The following CEP63 variants were observed in gnomAD, a reference collection of about 807,000 sequenced individuals.
CEP63 encodes the protein centrosomal protein 63, also known as centrosomal protein of 63 kDa.
CEP63 carries 84 observed loss-of-function variants against 89.1 expected under a neutral mutation model. The observed-to-expected ratio is 0.94, with a 90% CI of 0.79 to 1.13. CEP63 has a LOEUF of 1.13. CEP63 is among the 50% of genes most tolerant of loss of function. The pLI is 0.00. For synonymous variants in CEP63, 267 were observed against 272.5 expected (o/e 0.98, Z 0.20); for missense variants, 838 against 813.3 (o/e 1.03, Z -0.37).
At chr3:134,734,236 G>T in the CEP63 span, among the ~76,000 whole-genome samples, 1 of 152,258 alleles carries the variant, frequency 6.6e-6, no homozygotes, top group Admixed American at 6.5e-5. Flanking sequence ...ATGTTCTTTA[G>T]CAGGTGAATG....
At chr3:134,688,948 C>T in the CEP63 span, among the ~76,000 whole-genome samples, 3 of 152,188 alleles carry the variant, frequency 2.0e-5, no homozygotes, top group African/African-American at 7.2e-5. Context: ...TAGCTTCTGG[C>T]TTGGAGACCC....
At chr3:134,647,616 A>G in the CEP63 span, 1 of 618,092 alleles carries the variant, frequency 1.6e-6, no homozygotes, top group South Asian at 2.0e-5. Context: ...GGAATCTGAG[A>G]GAGGCTACCC....
intron 3 of CEP63, among the ~76,000 whole-genome samples, chr3:134,517,615 G>C (rs1946535334): frequency 6.6e-6 from 1 of 152,140 alleles, no homozygotes. Context: ...GACGTCACAG[G>C]TGTGGTCTCT....
chr3:134,722,876 C>T, the CEP63 span, among the ~76,000 whole-genome samples: 18 of 152,272 alleles, frequency 1.2e-4, no homozygotes, highest in African/African-American at 3.8e-4. Context: ...AAAGATGATT[C>T]CAATGCCTAC....
chr3:134,758,018 T>C, the CEP63 span, among the ~76,000 whole-genome samples: 18 of 152,298 alleles, frequency 1.2e-4, no homozygotes, highest in Admixed American at 2.0e-4. Flanking sequence ...ATCTACTTGT[T>C]ACCTCTCCTG....
At chr3:134,759,139 G>A in the CEP63 span, among the ~76,000 whole-genome samples, 3 of 152,288 alleles carry the variant, frequency 2.0e-5, no homozygotes, top group South Asian at 4.2e-4. Flanking sequence ...CTCTGCTTAC[G>A]CCTTGGTTTT....
the CEP63 span, among the ~76,000 whole-genome samples, chr3:134,736,200 A>T: frequency 6.6e-6 from 1 of 152,166 alleles, no homozygotes; most frequent in Non-Finnish European, 1.5e-5. Context: ...TACAAAAATC[A>T]TACGGAATAT....
the CEP63 span, among the ~76,000 whole-genome samples, chr3:134,604,693 C>G: frequency 6.6e-6 from 1 of 152,168 alleles, no homozygotes; most frequent in Non-Finnish European, 1.5e-5. Flanking sequence ...GGAAGGGTTC[C>G]CTGCTCCCTT....
the CEP63 span, among the ~76,000 whole-genome samples, chr3:134,769,958 C>A: frequency 3.3e-5 from 5 of 152,260 alleles, no homozygotes; most frequent in African/African-American, 1.2e-4. Flanking sequence ...AGATCTCTAT[C>A]AGGCCAGCTC....
At chr3:134,672,389 C>T in the CEP63 span, among the ~76,000 whole-genome samples, 2 of 152,176 alleles carry the variant, frequency 1.3e-5, no homozygotes, top group African/African-American at 4.8e-5. Flanking sequence ...AGCCTAAAAA[C>T]AACTACCAAG....
Position 134,507,126 on chromosome 3 carries a change from G to A in CEP63, c.62G>A (p.Cys21Tyr), listed in dbSNP as rs1943659012. 7 of 1,613,342 alleles carry A rather than the reference G, an allele frequency of 4.3e-6. No homozygotes were observed. Among genetic ancestry groups the A allele is most frequent in the Non-Finnish European group, 5.9e-6 (7 of 1,179,694 alleles). Residue 21 changes from cysteine (C) to tyrosine (Y), a missense_variant, in exon 3 of 15, where the codon TGT becomes TAT. Cys to Tyr is a radical substitution (Grantham distance 194). Coordinates refer to ENST00000675561, the MANE Select transcript of CEP63 (RefSeq NM_001353108.3). ...RGHGGGFLTS[C>Y]EAELQELMKQ... is the part of the protein sequence containing the mutation. ...CTTTATAGGGGATTTTTGACATCTTGTGAAGCAGAACTACAGGAGCTCATG... is the reference window on the plus strand; with the variant it reads ...CTTTATAGGGGATTTTTGACATCTTATGAAGCAGAACTACAGGAGCTCATG...
intron 3 of CEP63, among the ~76,000 whole-genome samples, chr3:134,527,541 C>T (rs760838541): frequency 3.9e-5 from 6 of 152,178 alleles, no homozygotes; most frequent in Non-Finnish European, 5.9e-5. Context: ...GATACATGTA[C>T]ACTTGCCTGC....
the CEP63 span, among the ~76,000 whole-genome samples, chr3:134,642,188 C>G: frequency 6.6e-6 from 1 of 152,192 alleles, no homozygotes; most frequent in Non-Finnish European, 1.5e-5. Context: ...CCTGCCAGCG[C>G]CTTTCTATAG....
the CEP63 span, among the ~76,000 whole-genome samples, chr3:134,627,331 G>A: frequency 6.6e-6 from 1 of 152,286 alleles, no homozygotes; most frequent in Non-Finnish European, 1.5e-5. Context: ...GCACAGGGAA[G>A]GCAAATGAAG....
chr3:134,621,563 A>G, the CEP63 span, among the ~76,000 whole-genome samples: 1 of 152,218 alleles, frequency 6.6e-6, no homozygotes, highest in African/African-American at 2.4e-5. Context: ...TACAAAAACA[A>G]CTCAAAATGG....
At chr3:134,559,022 G>C in intron 13 of CEP63, 128 bp from the exon 14 acceptor site, 1 of 872,882 alleles carries the variant, frequency 1.1e-6, no homozygotes. Context: ...TCTGATCTGA[G>C]TAGGTTGCTC....
the CEP63 span, among the ~76,000 whole-genome samples, chr3:134,672,093 G>A: frequency 2.6e-5 from 4 of 152,152 alleles, no homozygotes; most frequent in Non-Finnish European, 4.4e-5. Context: ...TCCAAGGACC[G>A]CCAAACCCCA....
chr3:134,604,033 T>C, the CEP63 span: 3 of 1,614,032 alleles, frequency 1.9e-6, no homozygotes, highest in Admixed American at 1.7e-5. Context: ...CTGGAAGATG[T>C]AGCGCCGCTG....
chr3:134,721,335 C>G, the CEP63 span, among the ~76,000 whole-genome samples: 1 of 152,224 alleles, frequency 6.6e-6, no homozygotes, highest in East Asian at 1.9e-4. Context: ...TATTCTGCCA[C>G]ATTGCTGAAC....
Sources: allele counts gnomAD v4.1 joint callset (sites outside exome capture counted in the v4.1 genomes callset), GRCh38; gene constraint gnomAD v4.1.1; transcripts MANE v1.5; gene names NCBI Gene and HGNC (gene_info 2026-07-23, HGNC 2026-07-21).